The following HMCN1 variants were observed in gnomAD, a reference collection of about 807,000 sequenced individuals.
HMCN1 encodes hemicentin 1.
A neutral mutation model predicts 625.9 loss-of-function variants in HMCN1; 321 were observed. The ratio of observed to expected loss-of-function variants is 0.51; its 90% CI spans 0.47 to 0.56. The LOEUF is 0.56. HMCN1 is among the 20% of genes least tolerant of loss of function. HMCN1 has a pLI of 0.00. For synonymous variants in HMCN1, 2,425 were observed against 2,417.6 expected, an observed-to-expected ratio of 1.00 and a Z score of -0.09; for missense variants, 6,588 against 6,887.3, an observed-to-expected ratio of 0.96 and a Z score of 1.54.
chr1:185,956,662 A>G (rs974147154), intron 11 of HMCN1, among the ~76,000 whole-genome samples: 2 of 152,056 alleles, frequency 1.3e-5, no homozygotes, highest in Non-Finnish European at 2.9e-5. Flanking sequence ...GTCCTTCTGT[A>G]GACATGATTG....
chr1:186,159,719 C>A (rs1346078100), intron 97 of HMCN1, among the ~76,000 whole-genome samples: 2 of 152,142 alleles, frequency 1.3e-5, no homozygotes, highest in Non-Finnish European at 2.9e-5. Context: ...TGCTAGATTA[C>A]ATTTATTGAT....
chr1:185,971,526 A>G (rs1017167443), intron 15 of HMCN1, among the ~76,000 whole-genome samples: 2 of 152,218 alleles, frequency 1.3e-5, no homozygotes, highest in Admixed American at 6.5e-5. Context: ...AAAATATGAC[A>G]TTGCATTCAA....
intron 103 of HMCN1, among the ~76,000 whole-genome samples, chr1:186,175,355 A>G (rs922319008): frequency 1.3e-5 from 2 of 152,184 alleles, no homozygotes; most frequent in African/African-American, 4.8e-5. Context: ...GTTTCACGCT[A>G]TGCTTTTCAA....
At chr1:186,059,073 G>A (rs1406559620) in intron 46 of HMCN1, among the ~76,000 whole-genome samples, 5 of 151,932 alleles carry the variant, frequency 3.3e-5, no homozygotes, top group Admixed American at 6.6e-5. Context: ...AGTTAACACA[G>A]CACTTGCTTC....
chr1:185,760,191 T>C (rs1655401848), intron 1 of HMCN1, among the ~76,000 whole-genome samples: 1 of 152,162 alleles, frequency 6.6e-6, no homozygotes, highest in Admixed American at 6.5e-5. Context: ...CAAAGTTGTA[T>C]AAATAGTCCA....
Position 185,865,810 on chromosome 1 carries a change from G to T in HMCN1, c.568G>T (p.Ala190Ser). ...HIGYKVYEEI[A>S]STSSGQVFHL... ...TGGATATAAAGTCTATGAAGAAATT[G>T]CCTCTACAAGTTCTGGTCAAGTGTT... The change falls in exon 4 of 107, where the codon GCC becomes TCC. Residue 190 changes from alanine to serine, a missense_variant. Physicochemically the swap from Ala to Ser is moderately conservative, Grantham distance 99. Coordinates refer to ENST00000271588, the MANE Select transcript of HMCN1 (RefSeq NM_031935.3). 2.5e-6 allele frequency: 4 copies of T among 1,612,504 alleles called. No individual in the cohort carries two copies. The highest frequency in any genetic ancestry group is 3.4e-6 in the Non-Finnish European group (4 of 1,179,432).
intron 68 of HMCN1, among the ~76,000 whole-genome samples, chr1:186,096,169 G>A (rs528011953): frequency 2.4e-4 from 37 of 152,220 alleles, no homozygotes; most frequent in African/African-American, 8.4e-4. Context: ...TCCTTACATA[G>A]CAGAAAATAC....
At chr1:186,180,083 A>G (rs1445579902) in intron 104 of HMCN1, among the ~76,000 whole-genome samples, 2 of 152,232 alleles carry the variant, frequency 1.3e-5, no homozygotes, top group East Asian at 1.9e-4. Flanking sequence ...TGCATTAACA[A>G]TTCTCTACAT....
intron 19 of HMCN1, 34 bp downstream of exon 19, chr1:185,984,347 C>G (rs774227556): frequency 6.2e-7 from 1 of 1,607,554 alleles, no homozygotes; most frequent in Non-Finnish European, 8.5e-7. Flanking sequence ...TGTTTCGAAA[C>G]TGTGTTCAAA....
At chr1:186,096,984 G>T (rs1660166299) in intron 68 of HMCN1, among the ~76,000 whole-genome samples, 1 of 152,122 alleles carries the variant, frequency 6.6e-6, no homozygotes, top group Non-Finnish European at 1.5e-5. Context: ...TCTAGCAGAA[G>T]ATAAGGATGC....
intron 4 of HMCN1, among the ~76,000 whole-genome samples, chr1:185,895,072 A>C (rs1394404660): frequency 6.7e-6 from 1 of 149,122 alleles, no homozygotes; most frequent in African/African-American, 2.5e-5. Context: ...CATTTTGTTG[A>C]TTACTTCCTT....
intron 29 of HMCN1, among the ~76,000 whole-genome samples, chr1:186,006,708 A>T (rs1300780680): frequency 6.6e-6 from 1 of 151,546 alleles, no homozygotes; most frequent in Admixed American, 6.6e-5. Context: ...ATTATTTAAA[A>T]ATAATATTAT....
At chr1:185,918,504 T>A (rs1666841876) in intron 6 of HMCN1, among the ~76,000 whole-genome samples, 1 of 152,186 alleles carries the variant, frequency 6.6e-6, no homozygotes, top group Non-Finnish European at 1.5e-5. Flanking sequence ...ATCAGTCTCC[T>A]TTGGCAACAC....
chr1:186,149,056 A>G (rs962750345), intron 93 of HMCN1, among the ~76,000 whole-genome samples: 1 of 152,134 alleles, frequency 6.6e-6, no homozygotes, highest in Non-Finnish European at 1.5e-5. Context: ...TTTATAGCAC[A>G]GAGGCAGAGT....
At chr1:186,120,277 A>G (rs1045827102) in intron 80 of HMCN1, 132 bp downstream of exon 80, 54 of 1,039,812 alleles carry the variant, frequency 5.2e-5, no homozygotes, top group East Asian at 2.4e-4. Flanking sequence ...GCATTATCCT[A>G]TTGGTTTTTC....
In HMCN1 at chr1:185,826,192, T is replaced by C. The variant is rs185353031; in HGVS notation, c.269-19834T>C. ...ATTTCCAATTCAATTCCTGAATGTA[T>C]AAAACATGGATTTTGAGGATATTCG... is the stretch of plus-strand genomic sequence containing the variant. On this transcript the variant is annotated intron_variant, in intron 1 of 106. Transcript: ENST00000271588. Among the ~76,000 whole-genome samples the C allele has an allele frequency of 1.1e-4, 17 of 152,336 alleles. No homozygotes were observed. In the East Asian group the frequency reaches 3.3e-3, roughly 29 times the overall value.
chr1:185,866,435 C>T (rs1433489582), intron 4 of HMCN1, among the ~76,000 whole-genome samples: 3 of 125,064 alleles, frequency 2.4e-5, no homozygotes, highest in East Asian at 2.3e-4. Flanking sequence ...GGTGAAGTCT[C>T]GCTCTGTCAC....
chr1:185,925,605 T>A (rs78619853), intron 9 of HMCN1, among the ~76,000 whole-genome samples: 1,761 of 152,316 alleles, frequency 0.012, 26 homozygotes, highest in Middle Eastern at 0.075. Context: ...GAATCTGATT[T>A]AAAGTGTTAT....
At chr1:186,079,745 G>A (rs549180321) in intron 55 of HMCN1, among the ~76,000 whole-genome samples, 12 of 152,336 alleles carry the variant, frequency 7.9e-5, no homozygotes, top group African/African-American at 2.6e-4. Context: ...AAGGGTAGAT[G>A]TTCATGCCTC....
Sources: allele counts gnomAD v4.1 joint callset (sites outside exome capture counted in the v4.1 genomes callset), GRCh38; gene constraint gnomAD v4.1.1; transcripts MANE v1.5; gene names NCBI Gene and HGNC (gene_info 2026-07-23, HGNC 2026-07-21).